The following LRRC7 variants were observed in gnomAD, a reference collection of about 807,000 sequenced individuals.
The protein encoded by LRRC7 is leucine rich repeat containing 7, also known as leucine-rich repeat-containing protein 7.
LRRC7 carries 23 observed loss-of-function variants against 175.7 expected under a neutral mutation model. The observed-to-expected ratio is 0.13, with a 90% confidence interval of 0.09 to 0.19. The LOEUF is 0.19. Ranked by LOEUF, LRRC7 falls within the 10% of genes least tolerant of loss-of-function variation. The pLI is 1.00. For missense variants in LRRC7, 1,354 were observed against 1,904.7 expected (o/e 0.71, Z 5.38); for synonymous variants, 685 against 680.9 (o/e 1.01, Z -0.09).
chr1:69,763,904 A>G (rs1570670691), intron 3 of LRRC7, among the ~76,000 whole-genome samples: 1 of 152,052 alleles, frequency 6.6e-6, no homozygotes, highest in African/African-American at 2.4e-5. Context: ...TCTTTTACAT[A>G]TGTATCTATT....
chr1:70,082,338 A>G (rs1663265516), intron 24 of LRRC7, among the ~76,000 whole-genome samples: 1 of 152,242 alleles, frequency 6.6e-6, no homozygotes, highest in African/African-American at 2.4e-5. Context: ...TTTCAGGGAC[A>G]TCCTGTGCCT....
At chr1:69,769,288 A>G (rs774891233) in intron 3 of LRRC7, among the ~76,000 whole-genome samples, 3 of 152,200 alleles carry the variant, frequency 2.0e-5, no homozygotes, top group Admixed American at 6.5e-5. Context: ...CATCTCCTAC[A>G]ATTGTGGTGA....
At chr1:69,991,024 A>AC (rs1654385701) in intron 10 of LRRC7, among the ~76,000 whole-genome samples, 1 of 152,100 alleles carries the variant, frequency 6.6e-6, no homozygotes. Flanking sequence ...GCACAGTGGC[A>AC]CACACTTGCA....
chr1:70,029,267 A>G (rs574863673), intron 18 of LRRC7, among the ~76,000 whole-genome samples: 1 of 152,318 alleles, frequency 6.6e-6, no homozygotes, highest in African/African-American at 2.4e-5. Context: ...ATTAAAGAGC[A>G]TATTATCTAA....
chr1:69,690,095 T>C (rs1320800645), intron 2 of LRRC7, among the ~76,000 whole-genome samples: 1 of 152,224 alleles, frequency 6.6e-6, no homozygotes, highest in Non-Finnish European at 1.5e-5. Context: ...AGCTCTTCTA[T>C]GGAAGGTCCA....
At chr1:69,905,372 G>T (rs1452379513) in intron 7 of LRRC7, among the ~76,000 whole-genome samples, 1 of 151,768 alleles carries the variant, frequency 6.6e-6, no homozygotes, top group African/African-American at 2.4e-5. Flanking sequence ...TTGTCATTTA[G>T]CATTAGGTAT....
rs529294891 is a variant in LRRC7 at position 69,795,693 on chromosome 1, A to G, written c.421+3533A>G. Among the ~76,000 whole-genome samples, 32 of 152,290 alleles carry G rather than the reference A, an allele frequency of 2.1e-4. 1 individual carries two copies. Among genetic ancestry groups the G allele is most frequent in the African/African-American group, 7.2e-4 (30 of 41,568 alleles). On this transcript the variant is annotated intron_variant, in intron 4 of 26. Transcript: ENST00000651989. ...AAATTAGATGAGTGACCCCTTAAAGAAATTAATTCACTCTAAGGTCAAGAT... is the reference window on the plus strand; with the variant it reads ...AAATTAGATGAGTGACCCCTTAAAGGAATTAATTCACTCTAAGGTCAAGAT...
chr1:69,715,808 C>T (rs538467412), intron 2 of LRRC7, among the ~76,000 whole-genome samples: 33 of 151,848 alleles, frequency 2.2e-4, no homozygotes, highest in African/African-American at 7.5e-4. Flanking sequence ...ATACATTTTA[C>T]ATTTATTATT....
At chr1:69,723,782 A>G (rs1029665427) in intron 2 of LRRC7, among the ~76,000 whole-genome samples, 3 of 152,140 alleles carry the variant, frequency 2.0e-5, no homozygotes, top group African/African-American at 7.2e-5. Context: ...CCCCTTCTTC[A>G]TCGGCAGCTG....
chr1:69,922,952 C>G (rs1047251165), intron 7 of LRRC7, among the ~76,000 whole-genome samples: 4 of 151,972 alleles, frequency 2.6e-5, no homozygotes, highest in African/African-American at 4.8e-5. Context: ...CTAATGCTAT[C>G]CCTATCCCTC....
At chr1:69,572,848 T>C in intron 1 of LRRC7, among the ~76,000 whole-genome samples, 1 of 152,098 alleles carries the variant, frequency 6.6e-6, no homozygotes, top group East Asian at 1.9e-4. Flanking sequence ...AGATTAGTTT[T>C]TCTGTAGTAA....
intron 1 of LRRC7, among the ~76,000 whole-genome samples, chr1:69,625,872 G>T (rs531425128): frequency 6.6e-6 from 1 of 152,136 alleles, no homozygotes; most frequent in African/African-American, 2.4e-5. Context: ...GAAGAAACTC[G>T]TATGTTCCAT....
intron 8 of LRRC7, 26 bp from the exon 9 acceptor site, chr1:69,980,353 C>A (rs755974555): frequency 1.3e-6 from 2 of 1,573,726 alleles, no homozygotes; most frequent in Middle Eastern, 3.3e-4. Flanking sequence ...GTTTTCCTCT[C>A]TCCTTCCTCC....
intron 4 of LRRC7, among the ~76,000 whole-genome samples, chr1:69,817,340 A>T (rs1678719103): frequency 6.6e-6 from 1 of 151,944 alleles, no homozygotes; most frequent in African/African-American, 2.4e-5. Flanking sequence ...GTCCAATTTC[A>T]TTCTTCTACC....
intron 11 of LRRC7, among the ~76,000 whole-genome samples, chr1:70,009,722 T>C (rs1287860500): frequency 6.6e-6 from 1 of 152,232 alleles, no homozygotes; most frequent in Non-Finnish European, 1.5e-5. Flanking sequence ...GAAAAATGTT[T>C]ACTTAAGCAA....
intron 3 of LRRC7, among the ~76,000 whole-genome samples, chr1:69,771,616 T>TA (rs1478265797): frequency 2.0e-5 from 3 of 152,170 alleles, no homozygotes; most frequent in African/African-American, 4.8e-5. Context: ...AGATTTTAGG[T>TA]AAAATATATC....
intron 1 of LRRC7, among the ~76,000 whole-genome samples, chr1:69,626,925 A>G (rs933986299): frequency 6.6e-6 from 1 of 152,096 alleles, no homozygotes; most frequent in African/African-American, 2.4e-5. Context: ...GTTGCTGCAT[A>G]GTATTCCATA....
chr1:69,719,908 T>C (rs1314529168), intron 2 of LRRC7, among the ~76,000 whole-genome samples: 1 of 151,654 alleles, frequency 6.6e-6, no homozygotes, highest in Non-Finnish European at 1.5e-5. Context: ...TAAAATCTAC[T>C]CTTTCTGTTT....
At chr1:69,627,267 T>C (rs1184853968) in intron 1 of LRRC7, among the ~76,000 whole-genome samples, 1 of 152,226 alleles carries the variant, frequency 6.6e-6, no homozygotes, top group Non-Finnish European at 1.5e-5. Flanking sequence ...ATCACCATTC[T>C]AACTGGTGTG....
Sources: allele counts gnomAD v4.1 joint callset (sites outside exome capture counted in the v4.1 genomes callset), GRCh38; gene constraint gnomAD v4.1.1; transcripts MANE v1.5; gene names NCBI Gene and HGNC (gene_info 2026-07-23, HGNC 2026-07-21).